Variants in PHACTR3 observed in about 807,000 individuals in gnomAD.
PHACTR3 encodes protein phosphatase 1, regulatory subunit 123.
Under a neutral mutation model 66.8 loss-of-function variants are expected in PHACTR3, and 16 were observed. The observed-to-expected ratio is 0.24, with a 90% confidence interval of 0.16 to 0.36. The LOEUF (loss-of-function observed/expected upper bound fraction) is 0.36, where lower values mean the gene tolerates loss of function less well. Among genes scored for constraint, PHACTR3 ranks in the 10% least tolerant of loss-of-function variants. The pLI is 1.00. For synonymous variants in PHACTR3, 323 were observed against 292.1 expected (o/e 1.11, Z -1.08); for missense variants, 647 against 719.9 (o/e 0.90, Z 1.16).
intron 1 of PHACTR3, among the ~76,000 whole-genome samples, chr20:59,685,097 C>T (rs1196520010): frequency 6.6e-6 from 1 of 152,166 alleles, no homozygotes; most frequent in African/African-American, 2.4e-5. Flanking sequence ...TCACCACCTC[C>T]ACCTCTTTCC....
chr20:59,707,336 A>AT (rs535464790), intron 1 of PHACTR3, among the ~76,000 whole-genome samples: 91 of 152,148 alleles, frequency 6.0e-4, no homozygotes, highest in African/African-American at 2.1e-3. Flanking sequence ...TTGATTTGTG[A>AT]TCCCCAGTGT....
At chr20:59,642,325 T>A (rs1194525211) in intron 1 of PHACTR3, among the ~76,000 whole-genome samples, 5 of 152,266 alleles carry the variant, frequency 3.3e-5, no homozygotes, top group African/African-American at 1.2e-4. Context: ...CTTTTTTTTT[T>A]TCTGATTAGA....
chr20:59,760,450 T>G (rs950217896), intron 4 of PHACTR3, among the ~76,000 whole-genome samples: 1 of 152,162 alleles, frequency 6.6e-6, no homozygotes, highest in Non-Finnish European at 1.5e-5. Context: ...GATCATTGAA[T>G]CATGGGGGTG....
intron 1 of PHACTR3, among the ~76,000 whole-genome samples, chr20:59,680,524 T>G (rs1482536988): frequency 6.6e-6 from 1 of 152,092 alleles, no homozygotes; most frequent in African/African-American, 2.4e-5. Context: ...TTTAGCACCC[T>G]CCTCCTAACA....
At chr20:59,781,931 A>G (rs2040739850) in intron 7 of PHACTR3, among the ~76,000 whole-genome samples, 1 of 152,176 alleles carries the variant, frequency 6.6e-6, no homozygotes, top group Non-Finnish European at 1.5e-5. Context: ...AAAGGGACAT[A>G]CGGGATTTCC....
chr20:59,706,147 C>A (rs2037693057), intron 1 of PHACTR3, among the ~76,000 whole-genome samples: 1 of 152,254 alleles, frequency 6.6e-6, no homozygotes, highest in Admixed American at 6.5e-5. Flanking sequence ...TAAGACCCCA[C>A]TGGCTTCCTC....
At chr20:59,624,562 C>T (rs1357847973) in intron 1 of PHACTR3, among the ~76,000 whole-genome samples, 1 of 152,164 alleles carries the variant, frequency 6.6e-6, no homozygotes, top group African/African-American at 2.4e-5. Flanking sequence ...CATGCTGCTC[C>T]TGTGTAGCCT....
At chr20:59,783,231 GA>G (rs1467698910) in intron 7 of PHACTR3, among the ~76,000 whole-genome samples, 3 of 152,204 alleles carry the variant, frequency 2.0e-5, no homozygotes, top group Non-Finnish European at 4.4e-5. Context: ...TCCCTGCACT[GA>G]CACCAGATGG....
chr20:59,804,815 C>T (rs1181710440), intron 7 of PHACTR3, among the ~76,000 whole-genome samples: 1 of 152,216 alleles, frequency 6.6e-6, no homozygotes, highest in Non-Finnish European at 1.5e-5. Context: ...TTCTGTGAAA[C>T]GACCATGTTG....
chr20:59,841,952 A>G (rs16983237), intron 11 of PHACTR3, among the ~76,000 whole-genome samples: 3,487 of 152,274 alleles, frequency 0.023, 135 homozygotes, highest in African/African-American at 0.079. Context: ...TAAGAGATCA[A>G]CTGACAAGTT....
At chr20:59,756,259 C>T (rs576186393) in intron 4 of PHACTR3, among the ~76,000 whole-genome samples, 10 of 152,248 alleles carry the variant, frequency 6.6e-5, no homozygotes, top group Admixed American at 2.0e-4. Context: ...CCTGATGTCT[C>T]GTAAAATTTC....
chr20:59,694,318 T>C (rs1277400921), intron 1 of PHACTR3, among the ~76,000 whole-genome samples: 4 of 152,132 alleles, frequency 2.6e-5, no homozygotes, highest in South Asian at 2.1e-4. Context: ...AGGGATCACA[T>C]ACACAGGTGG....
intron 1 of PHACTR3, among the ~76,000 whole-genome samples, chr20:59,651,831 A>T (rs980308420): frequency 2.0e-4 from 1 of 5,062 alleles, no homozygotes; most frequent in African/African-American, 2.5e-3. Flanking sequence ...TCTTTTTGGT[A>T]GGTAGGTAGG....
rs1325328847 is a variant in PHACTR3 at position 59,621,227 on chromosome 20, C to CA, written c.118+16096dup. Among the ~76,000 whole-genome samples the CA allele has an allele frequency of 3.9e-5, 6 of 152,366 alleles. No individual in the cohort carries two copies. In the East Asian group the frequency reaches 1.2e-3, roughly 29 times the overall value. ...CATGCCTGCTTCCGCCTCATCCTTG[C>CA]AGACCCCTGTGCAGGTAGGTTATTT... On this transcript the variant is annotated intron_variant, in intron 1 of 12. Transcript: ENST00000371015.
chr20:59,638,432 T>A (rs1331115524), intron 1 of PHACTR3, among the ~76,000 whole-genome samples: 7 of 146,108 alleles, frequency 4.8e-5, no homozygotes, highest in African/African-American at 1.8e-4. Flanking sequence ...GGATGATGGA[T>A]GATGGCTAAG....
chr20:59,760,060 G>A (rs2039943266), intron 4 of PHACTR3, among the ~76,000 whole-genome samples: 1 of 152,100 alleles, frequency 6.6e-6, no homozygotes, highest in Admixed American at 6.5e-5. Context: ...CATGAGCTTT[G>A]CTGGGGGTCG....
intron 1 of PHACTR3, among the ~76,000 whole-genome samples, chr20:59,721,700 G>A (rs1417730058): frequency 1.3e-5 from 2 of 152,246 alleles, no homozygotes; most frequent in East Asian, 3.9e-4. Flanking sequence ...AGAGTGACAA[G>A]GACCAGATTG....
chr20:59,608,021 T>C (rs1244061216), intron 1 of PHACTR3, among the ~76,000 whole-genome samples: 1 of 152,222 alleles, frequency 6.6e-6, no homozygotes, highest in Non-Finnish European at 1.5e-5. Flanking sequence ...TTTAATGATA[T>C]TGCACTCTCC....
intron 1 of PHACTR3, among the ~76,000 whole-genome samples, chr20:59,583,421 T>C (rs2032917200): frequency 6.6e-6 from 1 of 152,198 alleles, no homozygotes; most frequent in Non-Finnish European, 1.5e-5. Context: ...TCTGGTAGCC[T>C]ACATGGTTTT....
Sources: allele counts gnomAD v4.1 joint callset (sites outside exome capture counted in the v4.1 genomes callset), GRCh38; gene constraint gnomAD v4.1.1; transcripts MANE v1.5; gene names NCBI Gene and HGNC (gene_info 2026-07-23, HGNC 2026-07-21).